Variants in RTN4RL1 observed in about 807,000 individuals in gnomAD.
RTN4RL1 encodes reticulon 4 receptor like 1, also known as reticulon-4 receptor-like 1.
Under a neutral mutation model 25.6 loss-of-function variants are expected in RTN4RL1, and 7 were observed. That is an observed-to-expected ratio of 0.27 (90% CI 0.16 to 0.51). RTN4RL1 has a LOEUF of 0.51. Among genes scored for constraint, RTN4RL1 ranks in the 20% least tolerant of loss-of-function variants. RTN4RL1 has a pLI of 0.97. For synonymous variants in RTN4RL1, 297 were observed against 288.2 expected, an observed-to-expected ratio of 1.03 and a Z score of -0.31; for missense variants, 500 against 615.6, an observed-to-expected ratio of 0.81 and a Z score of 1.99.
At chr17:1,990,786 A>G (rs1171255899) in intron 1 of RTN4RL1, among the ~76,000 whole-genome samples, 1 of 152,236 alleles carries the variant, frequency 6.6e-6, no homozygotes, top group African/African-American at 2.4e-5. Context: ...AGTCCACTAC[A>G]GATGCGCTTC....
chr17:1,956,738 CT>C (rs35830030), intron 1 of RTN4RL1, among the ~76,000 whole-genome samples: 3,921 of 132,534 alleles, frequency 0.03, 149 homozygotes, highest in African/African-American at 0.092. Flanking sequence ...CTGTCGGGAA[CT>C]TTTTTTTTTT....
At chr17:1,980,250 T>TTTTC (rs1348026748) in intron 1 of RTN4RL1, among the ~76,000 whole-genome samples, 1 of 146,618 alleles carries the variant, frequency 6.8e-6, no homozygotes, top group South Asian at 2.1e-4. Flanking sequence ...TTTTTTTTTT[T>TTTTC]AGTAGAGACA....
At chr17:1,972,272 A>G (rs1042716305) in intron 1 of RTN4RL1, among the ~76,000 whole-genome samples, 1 of 151,958 alleles carries the variant, frequency 6.6e-6, no homozygotes, top group Non-Finnish European at 1.5e-5. Flanking sequence ...GCGCCACTGC[A>G]CTCCAGCCTG....
At chr17:2,009,103 CAG>C (rs1174076467) in intron 1 of RTN4RL1, among the ~76,000 whole-genome samples, 2 of 152,174 alleles carry the variant, frequency 1.3e-5, no homozygotes, top group African/African-American at 4.8e-5. Flanking sequence ...ATCAATGAGA[CAG>C]GGACTGAAAA....
intron 1 of RTN4RL1, among the ~76,000 whole-genome samples, chr17:1,953,245 A>C (rs928956873): frequency 6.6e-6 from 1 of 151,852 alleles, no homozygotes; most frequent in Non-Finnish European, 1.5e-5. Context: ...CATCTCTACA[A>C]AAAATACAAA....
intron 1 of RTN4RL1, among the ~76,000 whole-genome samples, chr17:1,957,486 C>T (rs1360442252): frequency 6.6e-6 from 1 of 152,168 alleles, no homozygotes; most frequent in African/African-American, 2.4e-5. Context: ...AGTCTCCTCT[C>T]AATTATTATA....
chr17:2,011,792 T>A (rs1230144766), intron 1 of RTN4RL1, among the ~76,000 whole-genome samples: 5 of 152,020 alleles, frequency 3.3e-5, no homozygotes. Flanking sequence ...TGCCACAATC[T>A]CAAGGCAGCC....
rs916926909 is a variant in RTN4RL1 at position 2,022,321 on chromosome 17, A to C, written c.13+2532T>G. 9.2e-5 allele frequency among the ~76,000 whole-genome samples: 14 copies of C among 151,984 alleles called. No individual in the cohort carries two copies. In the South Asian group the frequency reaches 2.9e-3, roughly 32 times the overall value. ...ACAGAGTGAAACTCTGTCTCAAAAA[A>C]AATTTTTTTTTGTAGAGACGAAGTC... On this transcript the variant is annotated intron_variant, in intron 1 of 1. Coordinates refer to ENST00000331238, the MANE Select transcript of RTN4RL1 (RefSeq NM_178568.4).
chr17:1,958,481 G>C (rs1915834315), intron 1 of RTN4RL1, among the ~76,000 whole-genome samples: 1 of 152,332 alleles, frequency 6.6e-6, no homozygotes, highest in South Asian at 2.1e-4. Context: ...TGAGGCCGGG[G>C]AAATGGACAA....
chr17:2,010,821 G>A (rs910402711), intron 1 of RTN4RL1, among the ~76,000 whole-genome samples: 3 of 152,124 alleles, frequency 2.0e-5, no homozygotes, highest in Admixed American at 1.3e-4. Context: ...TCCTGGGTTC[G>A]AGTGATCCTC....
chr17:2,011,175 T>C (rs8077454), intron 1 of RTN4RL1, among the ~76,000 whole-genome samples: 53,175 of 152,038 alleles, frequency 0.35, 9,635 homozygotes, highest in East Asian at 0.55. Context: ...GGCTTGAACC[T>C]GGGAGGCGGA....
chr17:2,007,043 T>C (rs1019584714), intron 1 of RTN4RL1, among the ~76,000 whole-genome samples: 3 of 152,096 alleles, frequency 2.0e-5, no homozygotes, highest in Non-Finnish European at 4.4e-5. Context: ...TGGCTGACCA[T>C]TTCCAGTGCC....
intron 1 of RTN4RL1, among the ~76,000 whole-genome samples, chr17:1,965,033 C>T (rs1288071407): frequency 5.3e-5 from 8 of 151,136 alleles, no homozygotes; most frequent in Non-Finnish European, 1.0e-4. Flanking sequence ...GTGATCCGCC[C>T]GCCTCAGCCT....
intron 1 of RTN4RL1, among the ~76,000 whole-genome samples, chr17:2,006,557 AC>A (rs2066997432): frequency 6.6e-6 from 1 of 151,562 alleles, no homozygotes; most frequent in South Asian, 2.1e-4. Flanking sequence ...GGCTCAAGTG[AC>A]CCTCCCGCCT....
intron 1 of RTN4RL1, among the ~76,000 whole-genome samples, chr17:1,972,435 G>C (rs2151313556): frequency 6.6e-6 from 1 of 152,120 alleles, no homozygotes; most frequent in African/African-American, 2.4e-5. Flanking sequence ...ATAAGCCAGA[G>C]TGATAACTCT....
intron 1 of RTN4RL1, among the ~76,000 whole-genome samples, chr17:1,965,519 C>T (rs115481830): frequency 0.013 from 1,994 of 152,292 alleles, 55 homozygotes; most frequent in African/African-American, 0.046. Flanking sequence ...TCTCCCTGGC[C>T]CCATGGACTT....
At chr17:1,979,886 G>A (rs901924025) in intron 1 of RTN4RL1, among the ~76,000 whole-genome samples, 8 of 152,092 alleles carry the variant, frequency 5.3e-5, no homozygotes, top group Admixed American at 2.0e-4. Flanking sequence ...CCGGAATTGC[G>A]TGGAGAAGGA....
intron 1 of RTN4RL1, among the ~76,000 whole-genome samples, chr17:1,974,410 C>T (rs1044049046): frequency 6.6e-6 from 1 of 152,214 alleles, no homozygotes; most frequent in African/African-American, 2.4e-5. Context: ...ACAAACCCTC[C>T]ATTTTACAGA....
chr17:2,012,339 A>G (rs2067060801), intron 1 of RTN4RL1, among the ~76,000 whole-genome samples: 2 of 152,238 alleles, frequency 1.3e-5, no homozygotes, highest in African/African-American at 4.8e-5. Context: ...CTGGAGCCAC[A>G]AGGAACACAG....
Sources: allele counts gnomAD v4.1 joint callset (sites outside exome capture counted in the v4.1 genomes callset), GRCh38; gene constraint gnomAD v4.1.1; transcripts MANE v1.5; gene names NCBI Gene and HGNC (gene_info 2026-07-23, HGNC 2026-07-21).